Variants in CDH22 observed in about 807,000 individuals in gnomAD.
CDH22 encodes the protein cadherin 22.
In CDH22, 30 loss-of-function variants were observed where a neutral mutation model predicts 58.4. The observed-to-expected ratio is 0.51, with a 90% CI of 0.38 to 0.70. The LOEUF (loss-of-function observed/expected upper bound fraction) is 0.70, where lower values mean the gene tolerates loss of function less well. CDH22 is among the 30% of genes least tolerant of loss of function. CDH22 has a pLI of 0.00. For missense variants in CDH22, 1,014 were observed against 1,233.9 expected, an observed-to-expected ratio of 0.82 and a Z score of 2.67; for synonymous variants, 513 against 558.2, an observed-to-expected ratio of 0.92 and a Z score of 1.14.
intron 1 of CDH22, among the ~76,000 whole-genome samples, chr20:46,304,361 T>C (rs1400842391): frequency 6.6e-6 from 1 of 152,252 alleles, no homozygotes; most frequent in Non-Finnish European, 1.5e-5. Flanking sequence ...GCACCATACA[T>C]GCTCATGCAC....
intron 1 of CDH22, among the ~76,000 whole-genome samples, chr20:46,283,226 T>C (rs1208143972): frequency 6.6e-5 from 10 of 152,170 alleles, no homozygotes; most frequent in Non-Finnish European, 1.5e-4. Flanking sequence ...GGAACCTATG[T>C]CTTCAGCCTC....
At chr20:46,294,882 C>T (rs928666331) in intron 1 of CDH22, among the ~76,000 whole-genome samples, 2 of 152,234 alleles carry the variant, frequency 1.3e-5, no homozygotes, top group Admixed American at 6.5e-5. Flanking sequence ...TGCACCTTCC[C>T]GGTGCCCAGC....
At chr20:46,226,135 C>T (rs1296814743) in intron 4 of CDH22, among the ~76,000 whole-genome samples, 2 of 152,158 alleles carry the variant, frequency 1.3e-5, no homozygotes, top group African/African-American at 4.8e-5. Flanking sequence ...GCTTACAATT[C>T]CCCTCATGCC....
At position 46,217,130 on chromosome 20, in the gene CDH22, C is replaced by T; in HGVS notation, c.671-137G>A. 3 of 728,800 alleles carry T rather than the reference C, an allele frequency of 4.1e-6. No homozygotes were observed. In the South Asian group the frequency reaches 5.6e-5, roughly 14 times the overall value. The allele number at this position is 728,800 out of a possible 1,614,324, so 45.1% of individuals were successfully genotyped here. On this transcript the variant is annotated intron_variant, in intron 4 of 11. Coordinates refer to ENST00000537909, the MANE Select transcript of CDH22 (RefSeq NM_021248.3). ...AGGAGGAGAGTGGGCCACACAAGGA[C>T]ATCCACGTGTCCACCATGTGGGACA...
chr20:46,200,519 C>T (rs1228149574), intron 7 of CDH22, among the ~76,000 whole-genome samples: 3 of 149,000 alleles, frequency 2.0e-5, no homozygotes, highest in African/African-American at 7.5e-5. Flanking sequence ...TGAGCTCAAG[C>T]GATCCGCTCG....
At chr20:46,217,131 A>C (rs1341884119) in intron 4 of CDH22, 138 bp from the exon 5 acceptor site, 15 of 725,864 alleles carry the variant, frequency 2.1e-5, no homozygotes, top group Non-Finnish European at 3.4e-5. Context: ...ACACAAGGAC[A>C]TCCACGTGTC....
chr20:46,186,750 C>G, intron 9 of CDH22, 45 bp from the exon 10 acceptor site: 1 of 1,606,144 alleles, frequency 6.2e-7, no homozygotes, highest in Non-Finnish European at 8.5e-7. Context: ...GAGGCTGAGA[C>G]CACTCTGGGT....
At chr20:46,197,928 GGAGGGGCCTGGGGCA>G (rs1328701853) in intron 8 of CDH22, among the ~76,000 whole-genome samples, 1 of 152,028 alleles carries the variant, frequency 6.6e-6, no homozygotes, top group African/African-American at 2.4e-5. Flanking sequence ...GCTTGGGTCA[GGAGGGGCCTGGGGCA>G]GAGGGGCCTG....
chr20:46,287,079 A>G (rs988069887), intron 1 of CDH22, among the ~76,000 whole-genome samples: 2 of 152,116 alleles, frequency 1.3e-5, no homozygotes, highest in African/African-American at 4.8e-5. Context: ...CCGTCATCCC[A>G]TGGAATTTAA....
At chr20:46,239,760 T>C (rs910612507) in intron 3 of CDH22, among the ~76,000 whole-genome samples, 1 of 152,210 alleles carries the variant, frequency 6.6e-6, no homozygotes, top group Admixed American at 6.5e-5. Context: ...ATGGCAGCTA[T>C]TGGCTTGTGC....
At chr20:46,293,326 T>C (rs1021167640) in intron 1 of CDH22, among the ~76,000 whole-genome samples, 27 of 152,216 alleles carry the variant, frequency 1.8e-4, no homozygotes, top group African/African-American at 6.3e-4. Context: ...TACAGGGAGC[T>C]GTCTGTGCTG....
chr20:46,203,961 C>T (rs1327370420), intron 7 of CDH22, among the ~76,000 whole-genome samples: 7 of 152,054 alleles, frequency 4.6e-5, no homozygotes, highest in Non-Finnish European at 1.0e-4. Flanking sequence ...TGTGTGTGTG[C>T]ACCCACACAT....
intron 1 of CDH22, among the ~76,000 whole-genome samples, chr20:46,285,537 C>A (rs1203861380): frequency 6.6e-6 from 1 of 152,196 alleles, no homozygotes; most frequent in African/African-American, 2.4e-5. Context: ...ACCTTCCCCC[C>A]AAACACCCAT....
intron 1 of CDH22, among the ~76,000 whole-genome samples, chr20:46,303,003 C>G (rs968372834): frequency 1.3e-5 from 2 of 152,152 alleles, no homozygotes; most frequent in African/African-American, 4.8e-5. Context: ...CACCCAGCAG[C>G]AGGATGAGGC....
At chr20:46,307,592 A>AG (rs1163662393) in intron 1 of CDH22, among the ~76,000 whole-genome samples, 3 of 152,040 alleles carry the variant, frequency 2.0e-5, no homozygotes, top group South Asian at 2.1e-4. Flanking sequence ...GCCATAGGGC[A>AG]GGGGGGGTCG....
intron 2 of CDH22, 139 bp downstream of exon 2, chr20:46,250,901 T>G: frequency 5.2e-6 from 3 of 574,014 alleles, no homozygotes; most frequent in Non-Finnish European, 9.3e-6. Context: ...CTGGGCCCCC[T>G]TATCAGTCCT....
chr20:46,280,279 G>A (rs139209614), intron 1 of CDH22, among the ~76,000 whole-genome samples: 2 of 152,194 alleles, frequency 1.3e-5, no homozygotes, highest in African/African-American at 2.4e-5. Context: ...AATTAGCTAG[G>A]TGTGGTGGTG....
intron 1 of CDH22, among the ~76,000 whole-genome samples, chr20:46,295,025 A>C (rs1229149958): frequency 3.3e-5 from 5 of 152,160 alleles, no homozygotes; most frequent in African/African-American, 4.8e-5. Flanking sequence ...GACCTCTTCC[A>C]CGAAGGGCAC....
At chr20:46,179,974 A>C (rs891692311) in intron 10 of CDH22, among the ~76,000 whole-genome samples, 4 of 152,098 alleles carry the variant, frequency 2.6e-5, no homozygotes, top group Non-Finnish European at 5.9e-5. Context: ...GCTCCAGCTA[A>C]ATGTCACCTC....
Sources: gnomAD v4.1 joint callset for allele counts (sites outside exome capture counted in the v4.1 genomes callset) on GRCh38, gnomAD v4.1.1 for gene constraint, MANE v1.5 for transcripts, NCBI Gene and HGNC (gene_info 2026-07-23, HGNC 2026-07-21) for gene names.